Variants in PPP2R3A observed in about 807,000 individuals in gnomAD.
PPP2R3A encodes the protein serine/threonine-protein phosphatase 2A regulatory subunit B'' subunit alpha.
Under a neutral mutation model 106.9 loss-of-function variants are expected in PPP2R3A, and 80 were observed. That is an observed-to-expected ratio of 0.75 (90% confidence interval 0.62 to 0.90). PPP2R3A has a LOEUF of 0.90. Ranked by LOEUF, PPP2R3A falls within the 40% of genes least tolerant of loss-of-function variation. PPP2R3A has a pLI of 0.00. For missense variants in PPP2R3A, 1,386 were observed against 1,350.4 expected (o/e 1.03, Z -0.41); for synonymous variants, 483 against 468.3 (o/e 1.03, Z -0.41).
At chr3:136,096,444 G>A (rs542535655) in intron 10 of PPP2R3A, among the ~76,000 whole-genome samples, 3 of 152,300 alleles carry the variant, frequency 2.0e-5, no homozygotes, top group African/African-American at 7.2e-5. Context: ...GTAGATATGG[G>A]AAGAATCTGG....
At chr3:136,042,407 G>A (rs1935318648) in intron 4 of PPP2R3A, among the ~76,000 whole-genome samples, 1 of 152,162 alleles carries the variant, frequency 6.6e-6, no homozygotes. Flanking sequence ...ATACCTAGGT[G>A]ATGGGTTGAT....
At chr3:136,013,159 TG>T (rs1934143134) in intron 2 of PPP2R3A, among the ~76,000 whole-genome samples, 1 of 102,838 alleles carries the variant, frequency 9.7e-6, no homozygotes, top group Non-Finnish European at 2.2e-5. Context: ...TATTCCATGG[TG>T]TGTGTGTGTG....
intron 3 of PPP2R3A, among the ~76,000 whole-genome samples, chr3:136,032,621 G>A (rs559304965): frequency 1.3e-5 from 2 of 151,584 alleles, no homozygotes; most frequent in South Asian, 4.2e-4. Flanking sequence ...TGCAAGCTCT[G>A]CCTCCCGGGT....
intron 5 of PPP2R3A, 124 bp downstream of exon 5, chr3:136,049,485 G>T: frequency 1.6e-6 from 1 of 632,744 alleles, no homozygotes; most frequent in South Asian, 2.3e-5. Flanking sequence ...CTAGAAGAGT[G>T]GTTTTCAAAC....
intron 4 of PPP2R3A, among the ~76,000 whole-genome samples, chr3:136,045,663 C>T (rs1402873557): frequency 6.6e-6 from 1 of 152,176 alleles, no homozygotes; most frequent in Non-Finnish European, 1.5e-5. Context: ...AGGCTGTGGG[C>T]ACCACACCAG....
intron 5 of PPP2R3A, among the ~76,000 whole-genome samples, chr3:136,059,560 A>G (rs1227022012): frequency 6.6e-6 from 1 of 152,220 alleles, no homozygotes; most frequent in Non-Finnish European, 1.5e-5. Context: ...ATTATGGAAG[A>G]CAGTGTGGCA....
intron 1 of PPP2R3A, among the ~76,000 whole-genome samples, chr3:135,976,299 G>C (rs1459897920): frequency 1.3e-5 from 2 of 152,160 alleles, no homozygotes; most frequent in African/African-American, 4.8e-5. Context: ...ATCCCTTCAT[G>C]TGTCTTATAT....
chr3:135,983,926 TTTTACTCCA>T, intron 1 of PPP2R3A, among the ~76,000 whole-genome samples: 1 of 152,320 alleles, frequency 6.6e-6, no homozygotes, highest in East Asian at 1.9e-4. Flanking sequence ...CACCTGTAAA[TTTTACTCCA>T]TTAACTTTAT....
chr3:136,062,088 T>A (rs1936097003), intron 5 of PPP2R3A, among the ~76,000 whole-genome samples: 2 of 152,168 alleles, frequency 1.3e-5, no homozygotes. Context: ...GAACTTAGAT[T>A]TCTGTATCTT....
At chr3:136,105,330 C>CTAAA (rs779644124) in intron 12 of PPP2R3A, among the ~76,000 whole-genome samples, 3 of 152,146 alleles carry the variant, frequency 2.0e-5, no homozygotes, top group Non-Finnish European at 4.4e-5. Flanking sequence ...GATTACAAGG[C>CTAAA]TAAAGAGTAG....
In PPP2R3A at chr3:136,108,212, G is replaced by GACACACACACACACACACAC. The variant is rs375655120; in HGVS notation, c.3329+1905_3329+1906insCACACACACACACACACACA. ...TGGCCTGCAGAGCTAGCTAGACCCTGACACACACACACACAGCAAGTGTGG... is the reference window on the plus strand; with the variant it reads ...TGGCCTGCAGAGCTAGCTAGACCCTGACACACACACACACACACACACACACACACACACAGCAAGTGTGG... On this transcript the variant is annotated intron_variant, in intron 13 of 13. Transcript: ENST00000264977. Among the ~76,000 whole-genome samples, 940 of 151,472 alleles carry GACACACACACACACACACAC rather than the reference G, an allele frequency of 6.2e-3. 10 individuals are homozygous for GACACACACACACACACACAC. Among genetic ancestry groups the GACACACACACACACACACAC allele is most frequent in the African/African-American group, 0.022 (900 of 41,246 alleles).
chr3:136,002,223 A>T lies in PPP2R3A; in HGVS notation c.725A>T (p.Asp242Val). 1 of 1,613,732 alleles carries T rather than the reference A, an allele frequency of 6.2e-7. No homozygotes were observed. Among genetic ancestry groups the T allele is most frequent in the Non-Finnish European group, 8.5e-7 (1 of 1,179,884 alleles). The change falls in exon 2 of 14, where the codon GAT becomes GTT. Residue 242 changes from aspartate (D) to valine (V), a missense_variant. Transcript: ENST00000264977. ...GACATCTTATTGAAATGCTCCGAGG[A>T]TTTAAAAAAATGCACAGACATCATA... ...CLDILLKCSE[D>V]LKKCTDIIKQ... is the part of the protein sequence containing the mutation.
chr3:136,115,763 C>T (rs1268021441), intron 13 of PPP2R3A, among the ~76,000 whole-genome samples: 3 of 151,956 alleles, frequency 2.0e-5, no homozygotes, highest in Admixed American at 6.6e-5. Context: ...ACCAGATCTA[C>T]GTTTGATTGG....
intron 8 of PPP2R3A, among the ~76,000 whole-genome samples, chr3:136,086,494 A>G (rs959271356): frequency 6.6e-6 from 1 of 152,086 alleles, no homozygotes; most frequent in South Asian, 2.1e-4. Context: ...AATACTCCAT[A>G]ATTATCCACT....
At chr3:135,998,862 T>TA (rs1933506987) in intron 1 of PPP2R3A, among the ~76,000 whole-genome samples, 1 of 152,246 alleles carries the variant, frequency 6.6e-6, no homozygotes, top group Non-Finnish European at 1.5e-5. Context: ...CCAAATTTTG[T>TA]AAAAAATACA....
intron 5 of PPP2R3A, among the ~76,000 whole-genome samples, chr3:136,058,375 ACAAG>A (rs1026579216): frequency 3.9e-5 from 6 of 152,152 alleles, no homozygotes; most frequent in African/African-American, 1.4e-4. Context: ...TATGCCAAAA[ACAAG>A]CCGAGAGCCA....
intron 8 of PPP2R3A, among the ~76,000 whole-genome samples, chr3:136,085,967 CA>C: frequency 6.6e-6 from 1 of 151,590 alleles, no homozygotes; most frequent in East Asian, 2.0e-4. Flanking sequence ...TTTCAAATGA[CA>C]AAAATACAAA....
intron 4 of PPP2R3A, among the ~76,000 whole-genome samples, chr3:136,042,047 GTTA>G (rs997547631): frequency 1.3e-5 from 2 of 152,070 alleles, no homozygotes; most frequent in Non-Finnish European, 2.9e-5. Flanking sequence ...CTCACCTATT[GTTA>G]TTATTATTTA....
Position 136,048,138 on chromosome 3 carries a change from G to A in PPP2R3A, c.2367-1121G>A, listed in dbSNP as rs77516207. Among the ~76,000 whole-genome samples, 969 of 152,234 alleles carry A rather than the reference G, an allele frequency of 6.4e-3. 2 individuals are homozygous for A. The highest frequency in any genetic ancestry group is 0.01 in the Non-Finnish European group (696 of 68,016). On this transcript the variant is annotated intron_variant, in intron 4 of 13. Transcript: ENST00000264977. ...AAAAAAGTTATTCCAATAAGGTTAT[G>A]CTATTGTGGAACAGCCATGACAGAA...
Sources: gnomAD v4.1 joint callset for allele counts (sites outside exome capture counted in the v4.1 genomes callset) on GRCh38, gnomAD v4.1.1 for gene constraint, MANE v1.5 for transcripts, NCBI Gene and HGNC (gene_info 2026-07-23, HGNC 2026-07-21) for gene names.